Variants in CYBB observed in about 807,000 individuals in gnomAD.
The protein encoded by CYBB is NADPH oxidase 2.
In CYBB, 5 loss-of-function variants were observed where a neutral mutation model predicts 46.5. The observed-to-expected ratio is 0.11, with a 90% confidence interval of 0.06 to 0.23. The LOEUF is 0.23. Among genes scored for constraint, CYBB ranks in the 10% least tolerant of loss-of-function variants. The pLI is 1.00. For synonymous variants in CYBB, 183 were observed against 156.7 expected, an observed-to-expected ratio of 1.17 and a Z score of -1.26; for missense variants, 307 against 428.3, an observed-to-expected ratio of 0.72 and a Z score of 2.50.
At chrX:37,787,082 T>C (rs782192732) in intron 3 of CYBB, among the ~76,000 whole-genome samples, 10 of 111,972 alleles carry the variant, frequency 8.9e-5, no homozygotes, top group Non-Finnish European at 1.7e-4. Flanking sequence ...AAGATTAAGT[T>C]ATAGATAGGC....
At chrX:37,783,646 T>C (rs782152610) in intron 3 of CYBB, 46 bp downstream of exon 3, 18 of 856,932 alleles carry the variant, frequency 2.1e-5, no homozygotes, top group Non-Finnish European at 3.1e-5. Context: ...TCAAAGGCCA[T>C]CAAGCAAAAT....
At chrX:37,784,664 G>A (rs1183056385) in intron 3 of CYBB, among the ~76,000 whole-genome samples, 8 of 111,522 alleles carry the variant, frequency 7.2e-5, no homozygotes, top group South Asian at 3.7e-4. Context: ...GACCAATTCC[G>A]TGGTTCATTA....
rs186148160 is a variant in CYBB, at chrX:37,781,019, C to T, written c.45+897C>T. 2.0e-3 allele frequency among the ~76,000 whole-genome samples: 221 copies of T among 111,648 alleles called. 2 individuals carry two copies. Among genetic ancestry groups the T allele is most frequent in the African/African-American group, 6.8e-3 (211 of 30,815 alleles). Reference sequence around the variant, plus strand: ...AAATTTATCATGAAAAATAATGAGTCTTTGAGTTTTAAATATAGAAAGCAA... The same window carrying T: ...AAATTTATCATGAAAAATAATGAGTTTTTGAGTTTTAAATATAGAAAGCAA... On this transcript the variant is annotated intron_variant, in intron 1 of 12. Transcript: ENST00000378588.
chrX:37,782,190 A>T lies in CYBB; in HGVS notation c.141+7A>T, dbSNP rs781828311. On this transcript the variant is annotated splice_region_variant and intron_variant, in intron 2 of 12. Coordinates refer to ENST00000378588, the MANE Select transcript of CYBB (RefSeq NM_000397.4). The stretch of plus-strand genomic sequence containing the variant: ...CACAAGAAAACTTCTTGGGGTAAGT[A>T]TAAATTCCATCCCATGCAATATTGG... The T allele has an allele frequency of 6.5e-6, 7 of 1,074,141 alleles. No individual in the cohort carries two copies. The highest frequency in any genetic ancestry group is 5.6e-5 in the South Asian group (3 of 53,943). 88.5% of individuals were successfully genotyped at this position (1,074,141 alleles called of 1,213,427 possible).
At position 37,812,049 on chromosome X, in the gene CYBB, T is replaced by C. The variant is rs1929687008; in HGVS notation, c.*1132T>C. Reference sequence around the variant, plus strand: ...TTTAAATAACACCCACCCCTTATTTTCCGTAAATACACACACAAAATGGAT... The same window carrying C: ...TTTAAATAACACCCACCCCTTATTTCCCGTAAATACACACACAAAATGGAT... On this transcript the variant is annotated 3_prime_UTR_variant, in exon 13 of 13. Coordinates refer to ENST00000378588, the MANE Select transcript of CYBB (RefSeq NM_000397.4). 8.9e-6 allele frequency: 1 copy of C among 112,141 alleles called. No homozygotes were observed. Among genetic ancestry groups the C allele is most frequent in the East Asian group, 2.7e-4 (1 of 3,688 alleles). 9.2% of individuals were successfully genotyped at this position (112,141 alleles called of 1,213,427 possible).
chrX:37,789,970 T>C (rs1160680584), intron 3 of CYBB, among the ~76,000 whole-genome samples: 1 of 111,457 alleles, frequency 9.0e-6, no homozygotes, highest in Non-Finnish European at 1.9e-5. Context: ...TCTTTCAGCT[T>C]TCTCCTGGGG....
At chrX:37,788,466 CTG>C (rs1448459921) in intron 3 of CYBB, among the ~76,000 whole-genome samples, 1 of 111,974 alleles carries the variant, frequency 8.9e-6, no homozygotes, top group Non-Finnish European at 1.9e-5. Context: ...ACATGACATA[CTG>C]TTTTTCACAC....
chrX:37,805,801 G>A (rs1466658380), intron 10 of CYBB, among the ~76,000 whole-genome samples: 1 of 110,960 alleles, frequency 9.0e-6, no homozygotes, highest in East Asian at 2.9e-4. Flanking sequence ...ATTCACAGGA[G>A]ATTTTTTGGT....
intron 7 of CYBB, among the ~76,000 whole-genome samples, 185 bp from the exon 8 acceptor site, chrX:37,801,071 T>G (rs1556469763): frequency 8.9e-6 from 1 of 112,273 alleles, no homozygotes; most frequent in Non-Finnish European, 1.9e-5. Flanking sequence ...TTTTACTGGC[T>G]CAAAATTATC....
intron 3 of CYBB, among the ~76,000 whole-genome samples, chrX:37,789,762 A>G (rs1602177508): frequency 8.9e-6 from 1 of 112,259 alleles, no homozygotes; most frequent in Non-Finnish European, 1.9e-5. Context: ...ATTAAGTTTG[A>G]AAATTTGTAT....
chrX:37,788,430 AT>A (rs1556466018), intron 3 of CYBB, among the ~76,000 whole-genome samples: 1 of 112,211 alleles, frequency 8.9e-6, no homozygotes, highest in East Asian at 2.8e-4. Flanking sequence ...ATGCAGCCAA[AT>A]AATGATTAAA....
chrX:37,796,208 G>C, intron 6 of CYBB, 67 bp downstream of exon 6: 1 of 939,166 alleles, frequency 1.1e-6, no homozygotes, highest in Non-Finnish European at 1.5e-6. Context: ...TGCTCCATTA[G>C]AGGCACAGTG....
At position 37,795,720 on chromosome X, in the gene CYBB, T is replaced by C. The variant is rs782042808; in HGVS notation, c.484-231T>C. Among the ~76,000 whole-genome samples, 53 of 112,593 alleles carry C rather than the reference T, an allele frequency of 4.7e-4. No individual in the cohort carries two copies. The South Asian group carries it at 8.3e-3, about 18-fold the overall frequency. On this transcript the variant is annotated intron_variant, in intron 5 of 12. Coordinates refer to ENST00000378588, the MANE Select transcript of CYBB (RefSeq NM_000397.4). ...TCAGTTCACATTTCCTATGACATCTTAACCATGTAAGACATTTTAAAATTT... is the reference window on the plus strand; with the variant it reads ...TCAGTTCACATTTCCTATGACATCTCAACCATGTAAGACATTTTAAAATTT...
chrX:37,795,099 T>C (rs1351263422), intron 5 of CYBB, among the ~76,000 whole-genome samples: 1 of 111,683 alleles, frequency 9.0e-6, no homozygotes, highest in Non-Finnish European at 1.9e-5. Flanking sequence ...TTTTACTGTA[T>C]CTATGCTCTC....
At chrX:37,806,069 C>T (rs1018364099) in intron 10 of CYBB, among the ~76,000 whole-genome samples, 7 of 111,914 alleles carry the variant, frequency 6.3e-5, no homozygotes, top group African/African-American at 2.0e-4. Flanking sequence ...ATCAGGCTTT[C>T]TGAGAAGAGG....
chrX:37,808,507 A>G (rs1929607803), intron 11 of CYBB, among the ~76,000 whole-genome samples: 2 of 112,355 alleles, frequency 1.8e-5, no homozygotes, highest in African/African-American at 6.5e-5. Context: ...GGAATCTTCC[A>G]TGTGCACCCT....
chrX:37,790,256 TCA>T (rs1431535584), intron 3 of CYBB, among the ~76,000 whole-genome samples: 5 of 112,046 alleles, frequency 4.5e-5, no homozygotes, highest in African/African-American at 1.3e-4. Flanking sequence ...CTTCCCAGTC[TCA>T]TTTTTACCCT....
intron 3 of CYBB, among the ~76,000 whole-genome samples, chrX:37,788,302 G>C (rs997905026): frequency 2.7e-5 from 3 of 111,780 alleles, no homozygotes; most frequent in Non-Finnish European, 5.6e-5. Flanking sequence ...ATTTCAAAAG[G>C]ATTTGTCAAC....
chrX:37,792,955 C>T (rs920209334), intron 4 of CYBB, among the ~76,000 whole-genome samples: 3 of 109,628 alleles, frequency 2.7e-5, no homozygotes, highest in African/African-American at 1.0e-4. Context: ...TCTGCTGCTT[C>T]CTAGCTTGAT....
Sources: allele counts gnomAD v4.1 joint callset (sites outside exome capture counted in the v4.1 genomes callset), GRCh38; gene constraint gnomAD v4.1.1; transcripts MANE v1.5; gene names NCBI Gene and HGNC (gene_info 2026-07-23, HGNC 2026-07-21).